CRIM1: variants seen among roughly 807,000 people sequenced by gnomAD.
The protein encoded by CRIM1 is cysteine rich transmembrane BMP regulator 1.
In CRIM1, 32 loss-of-function variants were observed where a neutral mutation model predicts 116.4. That is an observed-to-expected ratio of 0.27 (90% CI 0.21 to 0.37). The LOEUF (loss-of-function observed/expected upper bound fraction) is 0.37. CRIM1 is among the 10% of genes least tolerant of loss of function. CRIM1 has a pLI of 1.00. For missense variants in CRIM1, 1,331 were observed against 1,354.8 expected (o/e 0.98, Z 0.28); for synonymous variants, 590 against 509.2 (o/e 1.16, Z -2.13).
At chr2:36,465,981 G>C (rs74799341) in intron 5 of CRIM1, among the ~76,000 whole-genome samples, 1 of 151,670 alleles carries the variant, frequency 6.6e-6, no homozygotes, top group Non-Finnish European at 1.5e-5. Context: ...TGCCTCCCAG[G>C]TTCACGCCAT....
At position 36,479,572 on chromosome 2, in the gene CRIM1, G is replaced by A. The variant is rs767565422; in HGVS notation, c.1250G>A (p.Arg417Gln). ...ATCCTTGCCCACGGAGACCGGTGGC[G>A]GGAAGACGACTGCACATTCTGCCAG... ...GLILAHGDRW[R>Q]EDDCTFCQCV... The change falls in exon 7 of 17, where the codon CGG becomes CAG. Residue 417 changes from arginine to glutamine, a missense_variant. Transcript: ENST00000280527. 17 of 1,614,176 alleles carry A rather than the reference G, an allele frequency of 1.1e-5. No homozygotes were observed. Among genetic ancestry groups the A allele is most frequent in the Non-Finnish European group, 1.2e-5 (14 of 1,180,032 alleles).
chr2:36,512,926 G>A (rs1307970111), intron 10 of CRIM1, among the ~76,000 whole-genome samples: 1 of 152,186 alleles, frequency 6.6e-6, no homozygotes, highest in Non-Finnish European at 1.5e-5. Context: ...GGAGCTTCCT[G>A]AAGCCACTGA....
At chr2:36,513,865 C>A in intron 11 of CRIM1, 100 bp downstream of exon 11, 2 of 1,017,008 alleles carry the variant, frequency 2.0e-6, no homozygotes, top group Middle Eastern at 2.5e-4. Flanking sequence ...GAGGGGACAA[C>A]CCCTGGAACA....
intron 1 of CRIM1, among the ~76,000 whole-genome samples, chr2:36,370,271 G>C (rs550606823): frequency 6.6e-6 from 1 of 150,720 alleles, no homozygotes; most frequent in South Asian, 2.1e-4. Context: ...CTTTAAATGT[G>C]ACAGCAGAAA....
intron 2 of CRIM1, among the ~76,000 whole-genome samples, chr2:36,425,760 G>C (rs1202305558): frequency 6.6e-6 from 1 of 152,142 alleles, no homozygotes; most frequent in African/African-American, 2.4e-5. Context: ...AGAAGAGTTA[G>C]GTGTGAGGTT....
intron 2 of CRIM1, among the ~76,000 whole-genome samples, chr2:36,431,366 G>A (rs2124901556): frequency 6.6e-6 from 1 of 152,096 alleles, no homozygotes; most frequent in Non-Finnish European, 1.5e-5. Context: ...ATGTCTTTAT[G>A]CCCTGTACAC....
At chr2:36,517,285 T>C (rs746272454) in intron 11 of CRIM1, 42 bp from the exon 12 acceptor site, 16 of 1,525,522 alleles carry the variant, frequency 1.0e-5, no homozygotes, top group Middle Eastern at 1.7e-4. Flanking sequence ...GTTGGAAAGA[T>C]TGCAGATGAA....
intron 2 of CRIM1, among the ~76,000 whole-genome samples, chr2:36,429,460 G>C (rs748011260): frequency 7.2e-5 from 11 of 152,156 alleles, no homozygotes; most frequent in Non-Finnish European, 1.2e-4. Context: ...CTCTGTGTGG[G>C]TTGCTGTATG....
chr2:36,441,470 G>T lies in CRIM1; in HGVS notation c.718G>T (p.Glu240Ter). 1 of 1,612,620 alleles carries T rather than the reference G, an allele frequency of 6.2e-7. No homozygotes were observed. ...GTCAAAAGCCTCAGGGAAGCCGGGA[G>T]AGTGCTGTGACCTCTATGAGTGCAA... ...LVSKASGKPG[E>*]CCDLYECKPV... is the part of the protein sequence containing the mutation. Residue 240 changes from glutamate (E) to a stop codon, truncating the protein, a stop_gained, in exon 3 of 17, where the codon GAG becomes TAG. Coordinates refer to ENST00000280527, the MANE Select transcript of CRIM1 (RefSeq NM_016441.3). LOFTEE classifies it high-confidence loss of function.
chr2:36,360,948 G>A (rs1315753035), intron 1 of CRIM1, among the ~76,000 whole-genome samples: 2 of 152,094 alleles, frequency 1.3e-5, no homozygotes, highest in Non-Finnish European at 2.9e-5. Context: ...ATCCCAGAGA[G>A]GAACAAGCAG....
intron 4 of CRIM1, among the ~76,000 whole-genome samples, chr2:36,452,077 A>G (rs1676774728): frequency 6.6e-6 from 1 of 151,696 alleles, no homozygotes; most frequent in Non-Finnish European, 1.5e-5. Flanking sequence ...CATCTGTTCT[A>G]AGATAGTGTC....
intron 2 of CRIM1, among the ~76,000 whole-genome samples, chr2:36,440,266 C>G (rs994467275): frequency 6.6e-5 from 10 of 152,216 alleles, no homozygotes; most frequent in Non-Finnish European, 1.2e-4. Context: ...TCTTATCCTA[C>G]TACCCAATTC....
At chr2:36,450,092 G>C (rs961631637) in intron 4 of CRIM1, among the ~76,000 whole-genome samples, 8 of 152,066 alleles carry the variant, frequency 5.3e-5, no homozygotes, top group African/African-American at 1.9e-4. Flanking sequence ...AGCAGAAGCA[G>C]AGAATATCTG....
intron 2 of CRIM1, among the ~76,000 whole-genome samples, chr2:36,402,942 T>A (rs1672527363): frequency 6.6e-6 from 1 of 152,150 alleles, no homozygotes; most frequent in South Asian, 2.1e-4. Flanking sequence ...TTAAATGTAA[T>A]TCAGTAACTC....
intron 8 of CRIM1, among the ~76,000 whole-genome samples, chr2:36,500,428 T>A (rs566440160): frequency 1.3e-5 from 2 of 152,212 alleles, no homozygotes. Context: ...TTGGCTGATA[T>A]TGAGGTTATA....
intron 1 of CRIM1, among the ~76,000 whole-genome samples, chr2:36,392,345 C>G (rs1215957328): frequency 6.6e-6 from 1 of 152,194 alleles, no homozygotes; most frequent in Non-Finnish European, 1.5e-5. Context: ...AGAGGTACCT[C>G]AGTTGTCTTC....
At chr2:36,491,506 A>G (rs1289251692) in intron 7 of CRIM1, among the ~76,000 whole-genome samples, 4 of 152,238 alleles carry the variant, frequency 2.6e-5, no homozygotes, top group Non-Finnish European at 5.9e-5. Flanking sequence ...TTAGAAAATT[A>G]GAGATACAGC....
At chr2:36,364,160 G>C (rs1251885725) in intron 1 of CRIM1, among the ~76,000 whole-genome samples, 2 of 152,136 alleles carry the variant, frequency 1.3e-5, no homozygotes, top group African/African-American at 4.8e-5. Flanking sequence ...ATTTAAAATT[G>C]CAAGTCTGAT....
intron 4 of CRIM1, among the ~76,000 whole-genome samples, chr2:36,461,205 T>A (rs149131352): frequency 6.6e-6 from 1 of 151,722 alleles, no homozygotes; most frequent in Admixed American, 6.6e-5. Context: ...CAGGGGGAGA[T>A]TGGACTAGAA....
Sources: allele counts gnomAD v4.1 joint callset (sites outside exome capture counted in the v4.1 genomes callset), GRCh38; gene constraint gnomAD v4.1.1; transcripts MANE v1.5; gene names NCBI Gene and HGNC (gene_info 2026-07-23, HGNC 2026-07-21).